Variants in MAP3K4 observed in about 807,000 individuals in gnomAD.
MAP3K4 encodes MAP three kinase 1.
A neutral mutation model predicts 185.6 loss-of-function variants in MAP3K4; 67 were observed. The ratio of observed to expected loss-of-function variants is 0.36; its 90% CI spans 0.30 to 0.44. The LOEUF (loss-of-function observed/expected upper bound fraction) is 0.44. Among genes scored for constraint, MAP3K4 ranks in the 20% least tolerant of loss-of-function variants. The pLI, the probability that MAP3K4 is intolerant of heterozygous loss-of-function variation, is 1.00. For missense variants in MAP3K4, 1,551 were observed against 1,995.1 expected (o/e 0.78, Z 4.24); for synonymous variants, 702 against 710.4 (o/e 0.99, Z 0.19).
rs1205489759 is a variant in MAP3K4 at position 161,008,543 on chromosome 6, A to G, written c.152+16460A>G. On this transcript the variant is annotated intron_variant, in intron 1 of 26. Coordinates refer to ENST00000392142, the MANE Select transcript of MAP3K4 (RefSeq NM_005922.4). This position sits in a 1 kb window ranked among gnomAD's most constrained non-coding sequence, Gnocchi z 4.1. The stretch of plus-strand genomic sequence containing the variant: ...GGAGCTGGCAGTTGACCAATTATGT[A>G]GGACCTTGTAGTTTCCCCTCTACTT... Among the ~76,000 whole-genome samples, 1 of 152,224 alleles carries G rather than the reference A, an allele frequency of 6.6e-6. No individual in the cohort carries two copies. The highest frequency in any genetic ancestry group is 1.9e-4 in the East Asian group (1 of 5,202).
At chr6:161,014,130 A>G (rs1489487823) in intron 1 of MAP3K4, among the ~76,000 whole-genome samples, 2 of 152,242 alleles carry the variant, frequency 1.3e-5, no homozygotes, top group African/African-American at 4.8e-5. Context: ...CTTTTGTAAT[A>G]ACCTTGCTGG....
At chr6:161,069,971 A>G (rs1013378182) in intron 3 of MAP3K4, among the ~76,000 whole-genome samples, 8 of 152,132 alleles carry the variant, frequency 5.3e-5, no homozygotes, top group Admixed American at 1.3e-4. Flanking sequence ...AGGAACAGCT[A>G]AAAGAACGGG....
intron 1 of MAP3K4, among the ~76,000 whole-genome samples, chr6:161,032,717 A>G (rs1332108901): frequency 6.6e-6 from 1 of 152,352 alleles, no homozygotes; most frequent in East Asian, 1.9e-4. Context: ...AAGTGGGTGT[A>G]AGAAATTTCA....
At chr6:160,994,975 A>AAAGTGTTG (rs1780923885) in intron 1 of MAP3K4, among the ~76,000 whole-genome samples, 1 of 152,234 alleles carries the variant, frequency 6.6e-6, no homozygotes, top group Non-Finnish European at 1.5e-5. Context: ...TTGGGATTAC[A>AAAGTGTTG]GGCGTGAGCC....
At position 161,070,911 on chromosome 6, in the gene MAP3K4, AT is replaced by A; in HGVS notation, c.1950+66del. Reference sequence around the variant, plus strand: ...TATTATATTATCCTACAGGCTTATCATTTTTATTTTGAGAGTTCCTTTTTTT... The same window carrying A: ...TATTATATTATCCTACAGGCTTATCATTTTATTTTGAGAGTTCCTTTTTTT... On this transcript the variant is annotated intron_variant, in intron 4 of 26. Coordinates refer to ENST00000392142, the MANE Select transcript of MAP3K4 (RefSeq NM_005922.4). The surrounding 1 kb of genome is among the most constrained non-coding windows in gnomAD (Gnocchi z 4.5). 2 of 1,411,944 alleles carry A rather than the reference AT, an allele frequency of 1.4e-6. No individual in the cohort carries two copies. Among genetic ancestry groups the A allele is most frequent in the Non-Finnish European group, 1.9e-6 (2 of 1,068,026 alleles). The allele number at this position is 1,411,944 out of a possible 1,614,324, so 87.5% of individuals were successfully genotyped here.
At chr6:161,041,936 T>C (rs1562499592) in intron 2 of MAP3K4, among the ~76,000 whole-genome samples, 1 of 145,030 alleles carries the variant, frequency 6.9e-6, no homozygotes, top group Non-Finnish European at 1.5e-5. Context: ...CTTTTTTTTT[T>C]TTTTAGAGAT....
chr6:161,042,761 A>G (rs1783537091), intron 2 of MAP3K4, among the ~76,000 whole-genome samples: 1 of 152,186 alleles, frequency 6.6e-6, no homozygotes, highest in Non-Finnish European at 1.5e-5. Flanking sequence ...AAGACACCCA[A>G]GCCAAAACCC....
Position 161,075,194 on chromosome 6 carries a change from A to G in MAP3K4, c.2097+1582A>G, listed in dbSNP as rs1190380189. ...TTTTGAGATAGAGTTTTGCTCTGTC[A>G]CCTAGACTGAAACGCAGTGGTGTGT... is the stretch of plus-strand genomic sequence containing the variant. On this transcript the variant is annotated intron_variant, in intron 5 of 26. Coordinates refer to ENST00000392142, the MANE Select transcript of MAP3K4 (RefSeq NM_005922.4). This position sits in a 1 kb window ranked among gnomAD's most constrained non-coding sequence, Gnocchi z 4.3. 2.0e-5 allele frequency among the ~76,000 whole-genome samples: 3 copies of G among 152,238 alleles called. No individual in the cohort carries two copies. Among genetic ancestry groups the G allele is most frequent in the Non-Finnish European group, 4.4e-5 (3 of 68,048 alleles).
intron 1 of MAP3K4, among the ~76,000 whole-genome samples, chr6:160,997,423 T>C (rs933692120): frequency 1.3e-5 from 2 of 152,182 alleles, no homozygotes; most frequent in African/African-American, 4.8e-5. Flanking sequence ...TTTTAAAAAA[T>C]CAGAACCACA....
chr6:161,084,602 C>A lies in MAP3K4; in HGVS notation c.2357C>A (p.Ala786Asp). ...TGGACTAGTGCGGATGACAGCAGTG[C>A]TTCCGACGAAATCAGGTTGGAGTTG... ...EFWTSADDSS[A>D]SDEIRRSVIE... The change falls in exon 7 of 27, where the codon GCT becomes GAT. Residue 786 changes from alanine to aspartate, a missense_variant. By Grantham distance (126) the Ala-to-Asp change is moderately radical. Coordinates refer to ENST00000392142, the MANE Select transcript of MAP3K4 (RefSeq NM_005922.4). This position sits in a 1 kb window ranked among gnomAD's most constrained non-coding sequence, Gnocchi z 4.6. 6.2e-7 allele frequency: 1 copy of A among 1,600,460 alleles called. No homozygotes were observed. The highest frequency in any genetic ancestry group is 8.6e-7 in the Non-Finnish European group (1 of 1,167,642).
At chr6:161,089,167 G>A (rs1038488856) in intron 10 of MAP3K4, among the ~76,000 whole-genome samples, 155 bp from the exon 11 acceptor site, 1 of 152,220 alleles carries the variant, frequency 6.6e-6, no homozygotes, top group Non-Finnish European at 1.5e-5. Flanking sequence ...GCGTGTTGCT[G>A]TGTAGGAGAA....
At chr6:161,045,363 G>T (rs1388917712) in intron 2 of MAP3K4, among the ~76,000 whole-genome samples, 1 of 152,078 alleles carries the variant, frequency 6.6e-6, no homozygotes. Context: ...GTAATAGACT[G>T]TTTTGTATGC....
rs755566760 is a variant in MAP3K4, at chr6:161,048,881, C to T, written c.609C>T (p.Pro203=). 1.9e-6 allele frequency: 3 copies of T among 1,614,200 alleles called. No homozygotes were observed. In the South Asian group the frequency reaches 3.3e-5, roughly 18 times the overall value. The part of the protein sequence containing the change: ...CSNAKLPVSV[P]MPIARPARQT... ...ATGCTAAGCTTCCAGTATCTGTGCC[C>T]ATGCCTATAGCCAGACCTGCACGCC... The change falls in exon 3 of 27, where the codon CCC becomes CCT. Residue 203 remains proline (P), a synonymous_variant. Coordinates refer to ENST00000392142, the MANE Select transcript of MAP3K4 (RefSeq NM_005922.4). This position sits in a 1 kb window ranked among gnomAD's most constrained non-coding sequence, Gnocchi z 4.7.
At chr6:161,020,306 G>A (rs947610740) in intron 1 of MAP3K4, among the ~76,000 whole-genome samples, 2 of 151,806 alleles carry the variant, frequency 1.3e-5, no homozygotes, top group Non-Finnish European at 2.9e-5. Flanking sequence ...ACAGAGTCTC[G>A]CTCTGTCACC....
Position 161,080,976 on chromosome 6 carries a change from T to C in MAP3K4, c.2193T>C (p.Asn731=), listed in dbSNP as rs763614542. 1.2e-5 allele frequency: 19 copies of C among 1,614,022 alleles called. No homozygotes were observed. Among genetic ancestry groups the C allele is most frequent in the Non-Finnish European group, 1.6e-5 (19 of 1,180,024 alleles). Residue 731 remains asparagine, a synonymous_variant, in exon 6 of 27, where the codon AAT becomes AAC. Coordinates refer to ENST00000392142, the MANE Select transcript of MAP3K4 (RefSeq NM_005922.4). This position sits in a 1 kb window ranked among gnomAD's most constrained non-coding sequence, Gnocchi z 4.8. ...AAAATCTGTTAGAAGAAGAATGGAA[T>C]TTCACCAAAGAAATAACTCATTACA... ...SLKNLLEEEW[N]FTKEITHYIR...
chr6:161,089,036 ACT>A (rs1785885625), intron 10 of MAP3K4, among the ~76,000 whole-genome samples: 1 of 151,820 alleles, frequency 6.6e-6, no homozygotes, highest in African/African-American at 2.4e-5. Context: ...ACTCACACAC[ACT>A]CTGCACTGGC....
rs752989592 is a variant in MAP3K4, at chr6:161,116,316, CAA to C, written c.4807-533_4807-532del. ...CATTTGGATACCTGGGGCTGGCACT[CAA>C]GAGGGATTTTGGGTAGGGCACAGGT... On this transcript the variant is annotated intron_variant, in intron 26 of 26. Transcript: ENST00000392142. This position sits in a 1 kb window ranked among gnomAD's most constrained non-coding sequence, Gnocchi z 6.2. Among the ~76,000 whole-genome samples the C allele has an allele frequency of 1.2e-4, 19 of 152,032 alleles. No homozygotes were observed. The highest frequency in any genetic ancestry group is 1.9e-4 in the East Asian group (1 of 5,140).
intron 1 of MAP3K4, among the ~76,000 whole-genome samples, chr6:161,005,544 A>C (rs1781544779): frequency 6.6e-6 from 1 of 152,094 alleles, no homozygotes; most frequent in South Asian, 2.1e-4. Context: ...AGAAGTTTTA[A>C]ATTACCTAGA....
chr6:161,041,423 G>A (rs1447687595), intron 2 of MAP3K4, among the ~76,000 whole-genome samples: 1 of 152,180 alleles, frequency 6.6e-6, no homozygotes, highest in Non-Finnish European at 1.5e-5. Context: ...TCAGCCCACA[G>A]GCATCTGTGA....
Sources: allele counts gnomAD v4.1 joint callset (sites outside exome capture counted in the v4.1 genomes callset), GRCh38; gene constraint gnomAD v4.1.1; non-coding constraint Gnocchi (gnomAD v3.1); transcripts MANE v1.5; gene names NCBI Gene and HGNC (gene_info 2026-07-23, HGNC 2026-07-21).